The following NRG3 variants were observed in gnomAD, a reference collection of about 807,000 sequenced individuals.
The protein encoded by NRG3 is pro-neuregulin-3, membrane-bound isoform.
A neutral mutation model predicts 66.9 loss-of-function variants in NRG3; 31 were observed. The ratio of observed to expected loss-of-function variants is 0.46; its 90% CI spans 0.35 to 0.63. The LOEUF is 0.63. NRG3 is among the 20% of genes least tolerant of loss of function. The probability of loss-of-function intolerance (pLI) is 0.00; values close to 1 mark genes in which losing one functional copy is unlikely to be tolerated. For synonymous variants in NRG3, 393 were observed against 359.4 expected, an observed-to-expected ratio of 1.09 and a Z score of -1.06; for missense variants, 910 against 878.9, an observed-to-expected ratio of 1.04 and a Z score of -0.45.
chr10:82,303,777 G>T (rs2080552638), intron 1 of NRG3, among the ~76,000 whole-genome samples: 1 of 152,012 alleles, frequency 6.6e-6, no homozygotes, highest in Admixed American at 6.6e-5. Context: ...CTGAGGCAGA[G>T]AATTGCTTGA....
chr10:82,504,772 A>C (rs922707372), intron 2 of NRG3, among the ~76,000 whole-genome samples: 1 of 152,144 alleles, frequency 6.6e-6, no homozygotes, highest in African/African-American at 2.4e-5. Context: ...TTTGTCTGTG[A>C]TTTATGGTCT....
rs542146427 is a variant in NRG3 at position 81,909,570 on chromosome 10, G to C, written c.823+33407G>C. ...CTTATTGTACATTGATCCAAAATTG[G>C]CTGCAAACCTGTGACTGGTTCTTGG... On this transcript the variant is annotated intron_variant, in intron 1 of 8. Coordinates refer to ENST00000372141, the MANE Select transcript of NRG3 (RefSeq NM_001010848.4). Among the ~76,000 whole-genome samples the C allele has an allele frequency of 1.2e-4, 18 of 152,214 alleles. No individual in the cohort carries two copies. In the South Asian group the frequency reaches 2.9e-3, roughly 25 times the overall value.
At chr10:82,399,207 CA>C (rs1349538727) in intron 2 of NRG3, among the ~76,000 whole-genome samples, 3 of 151,962 alleles carry the variant, frequency 2.0e-5, no homozygotes, top group African/African-American at 7.3e-5. Flanking sequence ...CATAAAAGAC[CA>C]AAATGACTAC....
chr10:81,955,188 A>G (rs1281840588), intron 1 of NRG3, among the ~76,000 whole-genome samples: 2 of 148,466 alleles, frequency 1.3e-5, no homozygotes, highest in African/African-American at 4.9e-5. Flanking sequence ...TATATTATAT[A>G]TATATACACA....
chr10:82,130,560 C>T lies in NRG3; in HGVS notation c.824-228179C>T, dbSNP rs140049632. ...TTTTTTTGGGGGGGTATATACCTAGCAGTGGGATTGGTGGATTATATGGTA... is the reference window on the plus strand; with the variant it reads ...TTTTTTTGGGGGGGTATATACCTAGTAGTGGGATTGGTGGATTATATGGTA... On this transcript the variant is annotated intron_variant, in intron 1 of 8. Coordinates refer to ENST00000372141, the MANE Select transcript of NRG3 (RefSeq NM_001010848.4). 8.0e-3 allele frequency among the ~76,000 whole-genome samples: 1,218 copies of T among 152,190 alleles called. 9 individuals are homozygous for T. The highest frequency in any genetic ancestry group is 0.028 in the African/African-American group (1,167 of 41,514).
At chr10:82,242,643 T>C (rs893407033) in intron 1 of NRG3, among the ~76,000 whole-genome samples, 1 of 152,188 alleles carries the variant, frequency 6.6e-6, no homozygotes, top group Admixed American at 6.5e-5. Context: ...GGGGAAGAGC[T>C]AATTACTTGT....
rs529127857 is a variant in NRG3 at position 82,642,098 on chromosome 10, C to T, written c.954-96479C>T. Among the ~76,000 whole-genome samples the T allele has an allele frequency of 8.5e-5, 13 of 152,194 alleles. No homozygotes were observed. In the South Asian group the frequency reaches 1.5e-3, roughly 17 times the overall value. On this transcript the variant is annotated intron_variant, in intron 2 of 8. Transcript: ENST00000372141. ...TCTAGCTCCCACTTGTGAGAACATG[C>T]GGTACTTTCTGTCTCTGAGCTGTTT...
chr10:82,894,304 C>A (rs1449445670), intron 4 of NRG3, among the ~76,000 whole-genome samples: 1 of 152,116 alleles, frequency 6.6e-6, no homozygotes, highest in Admixed American at 6.5e-5. Context: ...AAAAAATGAT[C>A]ATTTTGATAG....
intron 1 of NRG3, among the ~76,000 whole-genome samples, chr10:82,012,305 T>C (rs552935320): frequency 1.3e-5 from 2 of 152,130 alleles, no homozygotes; most frequent in East Asian, 3.9e-4. Context: ...GGACACCAAG[T>C]CCCTAGGCTA....
chr10:82,318,730 C>T (rs2081414783), intron 1 of NRG3, among the ~76,000 whole-genome samples: 1 of 152,188 alleles, frequency 6.6e-6, no homozygotes, highest in Non-Finnish European at 1.5e-5. Flanking sequence ...CTCTGCTCAG[C>T]CCCCACGGCA....
intron 1 of NRG3, among the ~76,000 whole-genome samples, chr10:82,245,996 T>TTTG (rs1554859772): frequency 1.7e-4 from 25 of 150,844 alleles, no homozygotes; most frequent in African/African-American, 5.9e-4. Context: ...TTTTTTTTTT[T>TTTG]TTTTTAACTC....
Position 82,961,616 on chromosome 10 carries a change from G to T in NRG3, c.1284+2541G>T, listed in dbSNP as rs199636640. 2.0e-5 allele frequency among the ~76,000 whole-genome samples: 3 copies of T among 152,214 alleles called. No homozygotes were observed. In the East Asian group the frequency reaches 5.8e-4, roughly 29 times the overall value. On this transcript the variant is annotated intron_variant, in intron 6 of 8. Coordinates refer to ENST00000372141, the MANE Select transcript of NRG3 (RefSeq NM_001010848.4). The stretch of plus-strand genomic sequence containing the variant: ...TCTGAAGACACTTTGGCTATTGCAT[G>T]CTGGGAGAAGAATGCTACAGGCATC...
intron 2 of NRG3, among the ~76,000 whole-genome samples, chr10:82,541,733 A>G (rs1032049554): frequency 6.6e-6 from 1 of 152,082 alleles, no homozygotes; most frequent in African/African-American, 2.4e-5. Context: ...TGGAGGCAGA[A>G]ATTGGGCATA....
intron 1 of NRG3, among the ~76,000 whole-genome samples, chr10:82,032,609 A>G (rs1306328456): frequency 1.3e-5 from 2 of 152,120 alleles, no homozygotes; most frequent in Non-Finnish European, 2.9e-5. Flanking sequence ...AAACATATTG[A>G]AATCATATTT....
intron 2 of NRG3, among the ~76,000 whole-genome samples, chr10:82,555,451 G>A (rs1289515584): frequency 1.3e-5 from 2 of 152,136 alleles, no homozygotes; most frequent in East Asian, 3.9e-4. Context: ...TTTTTATACT[G>A]TAAAGAAAAA....
chr10:82,919,834 G>A (rs985414798), intron 4 of NRG3, among the ~76,000 whole-genome samples: 33 of 151,770 alleles, frequency 2.2e-4, no homozygotes, highest in African/African-American at 7.7e-4. Context: ...TTGCTCAGCT[G>A]GAAAAGAACA....
At chr10:82,129,587 A>G (rs1312071784) in intron 1 of NRG3, among the ~76,000 whole-genome samples, 2 of 152,006 alleles carry the variant, frequency 1.3e-5, no homozygotes, top group African/African-American at 4.8e-5. Flanking sequence ...TTATTTATAT[A>G]TATTGTTGAG....
intron 2 of NRG3, among the ~76,000 whole-genome samples, chr10:82,559,163 T>TA (rs1354514481): frequency 6.6e-6 from 1 of 152,108 alleles, no homozygotes. Context: ...TTCTTCCTAA[T>TA]ACCATCCAGC....
chr10:82,711,985 T>G (rs988204878), intron 2 of NRG3, among the ~76,000 whole-genome samples: 6 of 152,232 alleles, frequency 3.9e-5, no homozygotes, highest in Non-Finnish European at 7.3e-5. Context: ...TTTCTTTCTA[T>G]TCAAGAAAAT....
Sources: allele counts gnomAD v4.1 joint callset (sites outside exome capture counted in the v4.1 genomes callset), GRCh38; gene constraint gnomAD v4.1.1; transcripts MANE v1.5; gene names NCBI Gene and HGNC (gene_info 2026-07-23, HGNC 2026-07-21).